ANK3: variants seen among roughly 807,000 people sequenced by gnomAD.
ANK3 encodes ankyrin 3.
Under a neutral mutation model 370.9 loss-of-function variants are expected in ANK3, and 57 were observed. That is an observed-to-expected ratio of 0.15 (90% CI 0.12 to 0.19). The LOEUF (loss-of-function observed/expected upper bound fraction) is 0.19. ANK3 is among the 10% of genes least tolerant of loss of function. ANK3 has a pLI of 1.00. For missense variants in ANK3, 4,439 were observed against 5,302.1 expected (o/e 0.84, Z 5.06); for synonymous variants, 1,929 against 1,946.3 (o/e 0.99, Z 0.23).
chr10:60,619,148 C>A (rs58521436), intron 1 of ANK3, among the ~76,000 whole-genome samples: 6 of 151,946 alleles, frequency 3.9e-5, no homozygotes, highest in Non-Finnish European at 2.9e-5. Context: ...CTCTCTGTAC[C>A]GCCAAAACAT....
intron 5 of ANK3, among the ~76,000 whole-genome samples, chr10:60,269,329 C>T (rs140139098): frequency 6.6e-6 from 1 of 152,238 alleles, no homozygotes. Context: ...TCAAATACCA[C>T]ATCTATTTAA....
chr10:60,043,794 A>G, intron 42 of ANK3: 6 of 985,388 alleles, frequency 6.1e-6, no homozygotes, highest in Non-Finnish European at 7.2e-6. Context: ...TGAATGGTGA[A>G]GGTTTTATCT....
At chr10:60,728,814 C>T (rs1056392849) in intron 1 of ANK3, among the ~76,000 whole-genome samples, 2 of 152,138 alleles carry the variant, frequency 1.3e-5, no homozygotes, top group Admixed American at 6.5e-5. Context: ...CAAATTACAG[C>T]TTGTATAGTC....
intron 25 of ANK3, among the ~76,000 whole-genome samples, chr10:60,124,502 T>C (rs1381444354): frequency 6.6e-6 from 1 of 152,276 alleles, no homozygotes; most frequent in East Asian, 1.9e-4. Flanking sequence ...TAATTGAAGA[T>C]AATTTATTTC....
At chr10:60,536,667 C>T (rs191959593) in intron 2 of ANK3, among the ~76,000 whole-genome samples, 6 of 152,042 alleles carry the variant, frequency 3.9e-5, no homozygotes, top group Middle Eastern at 3.4e-3. Context: ...CAAAAAAACA[C>T]GTCCACTTCT....
chr10:60,280,762 C>G (rs751584551), intron 1 of ANK3, among the ~76,000 whole-genome samples: 13 of 152,176 alleles, frequency 8.5e-5, no homozygotes, highest in Non-Finnish European at 1.5e-4. Flanking sequence ...AGAAAAGTGT[C>G]TTCTTTCAGC....
intron 1 of ANK3, among the ~76,000 whole-genome samples, chr10:60,644,856 G>GAAAAAAA (rs2078688389): frequency 2.1e-5 from 1 of 47,840 alleles, no homozygotes; most frequent in South Asian, 1.2e-3. Flanking sequence ...AAAAAAAGCT[G>GAAAAAAA]AGATTCAGGC....
intron 1 of ANK3, among the ~76,000 whole-genome samples, chr10:60,729,172 A>G (rs1253795764): frequency 6.6e-6 from 1 of 152,220 alleles, no homozygotes; most frequent in Non-Finnish European, 1.5e-5. Context: ...CTTAACAAAC[A>G]TTAATTGGAG....
chr10:60,219,320 C>T (rs2097000365), intron 8 of ANK3, among the ~76,000 whole-genome samples: 1 of 152,096 alleles, frequency 6.6e-6, no homozygotes, highest in Admixed American at 6.6e-5. Flanking sequence ...AATGATCTTT[C>T]ACCCAAAATT....
intron 2 of ANK3, among the ~76,000 whole-genome samples, chr10:60,479,339 T>C (rs1271294996): frequency 6.6e-6 from 1 of 152,190 alleles, no homozygotes; most frequent in Non-Finnish European, 1.5e-5. Context: ...CAGTGTTTAG[T>C]ACAGTAACAT....
intron 1 of ANK3, among the ~76,000 whole-genome samples, chr10:60,364,651 C>A (rs1416568832): frequency 3.3e-5 from 5 of 152,020 alleles, no homozygotes; most frequent in African/African-American, 1.2e-4. Flanking sequence ...AGTAACAAAC[C>A]TGCACATTCT....
chr10:60,392,655 G>A (rs1299392233), upstream of ANK3, among the ~76,000 whole-genome samples: 7 of 152,172 alleles, frequency 4.6e-5, no homozygotes, highest in Non-Finnish European at 4.4e-5. Context: ...TATGCCGGGC[G>A]CGGTGGCTCA....
At chr10:60,492,728 AGAAAGAAAG>A (rs2075548720) in intron 2 of ANK3, among the ~76,000 whole-genome samples, 15 of 140,092 alleles carry the variant, frequency 1.1e-4, no homozygotes, top group African/African-American at 4.1e-4. Flanking sequence ...AAAAAAAGAA[AGAAAGAAAG>A]AAAAAAAAAA....
rs373434877 is a variant in ANK3, at chr10:60,069,419, T to C, written c.11462A>G (p.Asp3821Gly). ...HSAPTCTTEK[D>G]NPVKVSSGKK... Reference sequence around the variant, plus strand: ...TCCTGATGAGACTTTCACTGGGTTATCTTTCTCTGTGGTACAAGTGGGTGC... The same window carrying C: ...TCCTGATGAGACTTTCACTGGGTTACCTTTCTCTGTGGTACAAGTGGGTGC... Residue 3821 changes from aspartate (D) to glycine (G), a missense_variant, in exon 37 of 44, where the codon GAT (aspartate) becomes GGT (glycine). Physicochemically the swap from Asp to Gly is moderately conservative, Grantham distance 94. This residue lies in a region of ANK3 where 496 missense variants were observed against 529.3 expected (regional missense o/e 0.94). Coordinates refer to ENST00000280772, the MANE Select transcript of ANK3 (RefSeq NM_020987.5). 1.2e-6 allele frequency: 2 copies of C among 1,614,008 alleles called. No homozygotes were observed. Among genetic ancestry groups the C allele is most frequent in the Non-Finnish European group, 1.7e-6 (2 of 1,179,996 alleles).
At chr10:60,061,867 G>A (rs2080548115) in intron 40 of ANK3, 1 of 152,036 alleles carries the variant, frequency 6.6e-6, no homozygotes. Context: ...TTAGAAGTTT[G>A]TGACTCTTGT....
chr10:60,492,076 A>G (rs1201915157), intron 2 of ANK3, among the ~76,000 whole-genome samples: 1 of 152,184 alleles, frequency 6.6e-6, no homozygotes, highest in Non-Finnish European at 1.5e-5. Context: ...ATCTTCTTAC[A>G]CTATTCAGTA....
At chr10:60,688,776 G>A (rs187213853) in intron 1 of ANK3, among the ~76,000 whole-genome samples, 94 of 151,950 alleles carry the variant, frequency 6.2e-4, no homozygotes, top group African/African-American at 2.0e-3. Flanking sequence ...GTGAAACCCC[G>A]TCTCTACTAA....
chr10:60,494,444 A>T (rs2075601898), intron 2 of ANK3, among the ~76,000 whole-genome samples: 1 of 152,178 alleles, frequency 6.6e-6, no homozygotes, highest in Non-Finnish European at 1.5e-5. Context: ...AGTTCTATGT[A>T]TCTCAATTTA....
At chr10:60,500,578 G>C (rs2075771848) in intron 2 of ANK3, among the ~76,000 whole-genome samples, 1 of 152,154 alleles carries the variant, frequency 6.6e-6, no homozygotes, top group Non-Finnish European at 1.5e-5. Flanking sequence ...AAAATACAGT[G>C]AGGTTTTGAG....
Sources: gnomAD v4.1 joint callset for allele counts (sites outside exome capture counted in the v4.1 genomes callset) on GRCh38, gnomAD v4.1.1 for gene constraint, gnomAD v4.1.1 regional missense constraint, MANE v1.5 for transcripts, NCBI Gene and HGNC (gene_info 2026-07-23, HGNC 2026-07-21) for gene names.